The following POM121C variants were observed in gnomAD, a reference collection of about 807,000 sequenced individuals.
POM121C encodes POM121 transmembrane nucleoporin C.
POM121C carries 20 observed loss-of-function variants against 66.4 expected under a neutral mutation model. The observed-to-expected ratio is 0.30, with a 90% confidence interval of 0.21 to 0.44. The LOEUF (loss-of-function observed/expected upper bound fraction) is 0.44, where lower values mean the gene tolerates loss of function less well. Among genes scored for constraint, POM121C ranks in the 20% least tolerant of loss-of-function variants. The pLI, the probability that POM121C is intolerant of heterozygous loss-of-function variation, is 1.00. For missense variants in POM121C, 580 were observed against 1,225.7 expected (o/e 0.47, Z 7.87); for synonymous variants, 286 against 528.0 (o/e 0.54, Z 6.28).
At chr7:75,435,661 C>G (rs1385659940) in intron 7 of POM121C, among the ~76,000 whole-genome samples, 1 of 152,144 alleles carries the variant, frequency 6.6e-6, no homozygotes, top group Non-Finnish European at 1.5e-5. Flanking sequence ...CTAGGATTCA[C>G]AGAGGGATAT....
rs1789582562 is a variant in POM121C, at chr7:75,419,004, T to C, written c.2867-111A>G. ...AGTAATAAAACACAGGGTGCCTCAATAGGGCTTTCCCCGCTGCGTCAGAAA... is the reference window on the plus strand; with the variant it reads ...AGTAATAAAACACAGGGTGCCTCAACAGGGCTTTCCCCGCTGCGTCAGAAA... On this transcript the variant is annotated intron_variant, in intron 14 of 14. Transcript: ENST00000615331. 17 of 1,462,530 alleles carry C rather than the reference T, an allele frequency of 1.2e-5. No individual in the cohort carries two copies. In the Admixed American group the frequency reaches 1.3e-4, roughly 11 times the overall value. The allele number at this position is 1,462,530 out of a possible 1,614,324, so 90.6% of individuals were successfully genotyped here. A position where few individuals can be genotyped will look rare whatever the true frequency, so the allele number is the denominator to read the frequency against.
At chr7:75,471,981 G>C (rs1791897315) in intron 3 of POM121C, among the ~76,000 whole-genome samples, 1 of 151,958 alleles carries the variant, frequency 6.6e-6, no homozygotes, top group African/African-American at 2.4e-5. Context: ...TGCCTCCCGG[G>C]TTCAGGCCAT....
intron 3 of POM121C, chr7:75,442,582 C>G (rs782448295): frequency 1.3e-6 from 2 of 1,492,998 alleles, no homozygotes; most frequent in Non-Finnish European, 1.8e-6. Flanking sequence ...GCACGAGGTA[C>G]AGTAGGAGGC....
intron 3 of POM121C, among the ~76,000 whole-genome samples, chr7:75,447,867 C>CAAA (rs1790878472): frequency 1.3e-5 from 2 of 151,834 alleles, no homozygotes; most frequent in African/African-American, 4.8e-5. Flanking sequence ...ACTAAAAATA[C>CAAA]AAAAAAATTA....
chr7:75,417,259 G>A lies in POM121C; in HGVS notation c.*1537C>T. 2.2e-6 allele frequency: 2 copies of A among 902,140 alleles called. No individual in the cohort carries two copies. The highest frequency in any genetic ancestry group is 1.0e-4 in the South Asian group (2 of 19,610). 55.9% of individuals were successfully genotyped at this position (902,140 alleles called of 1,614,324 possible). ...ATTTCATATAACATGGCCAGAAGGA[G>A]CTCTAGTCCCCCAGGAAAGCTGCCG... is the stretch of plus-strand genomic sequence containing the variant. On this transcript the variant is annotated 3_prime_UTR_variant, in exon 15 of 15. Coordinates refer to ENST00000615331, the MANE Select transcript of POM121C (RefSeq NM_001099415.3).
chr7:75,417,604 T>G lies in POM121C; in HGVS notation c.*1192A>C. 1 of 982,632 alleles carries G rather than the reference T, an allele frequency of 1.0e-6. No homozygotes were observed. Among genetic ancestry groups the G allele is most frequent in the South Asian group, 4.7e-5 (1 of 21,206 alleles). 60.9% of individuals were successfully genotyped at this position (982,632 alleles called of 1,614,324 possible). A position where few individuals can be genotyped will look rare whatever the true frequency, so the allele number is the denominator to read the frequency against. ...GCCCTGTTTGGGAAAAATAGGATTT[T>G]AAAAATATGGTTCATTAATTTAGGT... On this transcript the variant is annotated 3_prime_UTR_variant, in exon 15 of 15. Transcript: ENST00000615331.
chr7:75,454,154 C>A (rs1195404210), intron 3 of POM121C, among the ~76,000 whole-genome samples: 1 of 152,182 alleles, frequency 6.6e-6, no homozygotes, highest in Non-Finnish European at 1.5e-5. Flanking sequence ...GTGACAAGGT[C>A]ATGTTATGAG....
At chr7:75,430,319 G>A (rs1790116368) in intron 7 of POM121C, among the ~76,000 whole-genome samples, 1 of 152,154 alleles carries the variant, frequency 6.6e-6, no homozygotes, top group African/African-American at 2.4e-5. Context: ...AAGAAAAATA[G>A]TCCAATGGAA....
At chr7:75,466,112 A>T (rs1554477770) in intron 3 of POM121C, among the ~76,000 whole-genome samples, 1 of 150,784 alleles carries the variant, frequency 6.6e-6, no homozygotes, top group African/African-American at 2.4e-5. Context: ...CAACAAAGGG[A>T]GATGCCATCT....
At chr7:75,482,929 G>A (rs1792364141) in intron 1 of POM121C, among the ~76,000 whole-genome samples, 1 of 152,186 alleles carries the variant, frequency 6.6e-6, no homozygotes, top group Non-Finnish European at 1.5e-5. Flanking sequence ...TTAGCAAAGT[G>A]AAAAGGACAA....
intron 5 of POM121C, 162 bp downstream of exon 5, chr7:75,440,792 A>G (rs1248877480): frequency 1.6e-6 from 2 of 1,245,584 alleles, no homozygotes; most frequent in African/African-American, 3.0e-5. Flanking sequence ...AATGAACAGC[A>G]TTAAAACCCT....
rs1554473844 is a variant in POM121C at position 75,440,934 on chromosome 7, T to C, written c.227+20A>G. The C allele has an allele frequency of 2.5e-6, 4 of 1,614,010 alleles. No individual in the cohort carries two copies. In the East Asian group the frequency reaches 8.9e-5, roughly 36 times the overall value. ...GGGTCCAAGCGGGAAACTGGCTTAG[T>C]ACTCTCCTGAGCCTGTTACCTTCTT... On this transcript the variant is annotated intron_variant, in intron 5 of 14. Coordinates refer to ENST00000615331, the MANE Select transcript of POM121C (RefSeq NM_001099415.3).
intron 3 of POM121C, chr7:75,442,462 C>A (rs1367071956): frequency 5.6e-6 from 8 of 1,417,612 alleles, no homozygotes; most frequent in Non-Finnish European, 5.5e-6. Context: ...GCCGATGTCG[C>A]GCCTTCTGAA....
chr7:75,421,427 AT>A (rs1789702333), intron 13 of POM121C, 81 bp downstream of exon 13: 1 of 1,593,350 alleles, frequency 6.3e-7, no homozygotes, highest in Non-Finnish European at 8.5e-7. Flanking sequence ...CTGCCACAGC[AT>A]AAGCTCCCCG....
intron 1 of POM121C, among the ~76,000 whole-genome samples, chr7:75,485,096 T>C (rs1792468527): frequency 6.6e-6 from 1 of 152,138 alleles, no homozygotes; most frequent in Non-Finnish European, 1.5e-5. Flanking sequence ...ACTCTTGCCC[T>C]AGCCCCGCAA....
chr7:75,431,918 C>T (rs1554472413), intron 7 of POM121C, among the ~76,000 whole-genome samples: 2 of 151,952 alleles, frequency 1.3e-5, no homozygotes, highest in Non-Finnish European at 2.9e-5. Flanking sequence ...GGTGCCACTG[C>T]ACTGTAGCTG....
intron 3 of POM121C, chr7:75,442,282 C>A (rs1439214111): frequency 1.2e-5 from 17 of 1,452,562 alleles, no homozygotes; most frequent in Non-Finnish European, 1.5e-5. Context: ...CAGGCCTATT[C>A]CGCAGGTCCT....
intron 3 of POM121C, among the ~76,000 whole-genome samples, chr7:75,472,037 C>G (rs1791899630): frequency 6.6e-6 from 1 of 151,940 alleles, no homozygotes; most frequent in Admixed American, 6.6e-5. Flanking sequence ...AGGCGCCCAC[C>G]ACCACGCCCG....
At chr7:75,428,098 A>G (rs1790026458) in intron 7 of POM121C, among the ~76,000 whole-genome samples, 1 of 152,112 alleles carries the variant, frequency 6.6e-6, no homozygotes. Flanking sequence ...GATCCCTGAC[A>G]CTACCTCGCT....
Sources: allele counts gnomAD v4.1 joint callset (sites outside exome capture counted in the v4.1 genomes callset), GRCh38; gene constraint gnomAD v4.1.1; transcripts MANE v1.5; gene names NCBI Gene and HGNC (gene_info 2026-07-23, HGNC 2026-07-21).